The following ZYG11A variants were observed in gnomAD, a reference collection of about 807,000 sequenced individuals.
ZYG11A encodes protein zyg-11 homolog A.
Under a neutral mutation model 77.2 loss-of-function variants are expected in ZYG11A, and 62 were observed. The observed-to-expected ratio is 0.80, with a 90% CI of 0.65 to 0.99. The LOEUF is 0.99. ZYG11A is among the 50% of genes least tolerant of loss of function. The pLI is 0.00. For missense variants in ZYG11A, 828 were observed against 896.8 expected, an observed-to-expected ratio of 0.92 and a Z score of 0.98; for synonymous variants, 315 against 324.6, an observed-to-expected ratio of 0.97 and a Z score of 0.32.
chr1:52,869,449 A>AACTTT (rs551976002), intron 8 of ZYG11A, among the ~76,000 whole-genome samples: 7 of 150,884 alleles, frequency 4.6e-5, no homozygotes, highest in Non-Finnish European at 1.0e-4. Flanking sequence ...GATGACTCTT[A>AACTTT]ACGAGCCTGC....
At chr1:52,888,410 T>A (rs569676926) in intron 13 of ZYG11A, among the ~76,000 whole-genome samples, 26 of 152,216 alleles carry the variant, frequency 1.7e-4, no homozygotes, top group Non-Finnish European at 3.7e-4. Context: ...CAGGCGGGAG[T>A]GCAATGGTGC....
At chr1:52,866,609 T>C in intron 6 of ZYG11A, 42 bp downstream of exon 6, 1 of 1,274,564 alleles carries the variant, frequency 7.8e-7, no homozygotes, top group Non-Finnish European at 1.1e-6. Context: ...TGTTGGCCTT[T>C]GGTTATTAAA....
chr1:52,852,930 CAT>C (rs1645741333), intron 1 of ZYG11A, among the ~76,000 whole-genome samples: 1 of 152,094 alleles, frequency 6.6e-6, no homozygotes, highest in African/African-American at 2.4e-5. Flanking sequence ...AAACAGTGGT[CAT>C]ATGTGTACTC....
chr1:52,865,374 A>G (rs929046676), intron 5 of ZYG11A, among the ~76,000 whole-genome samples: 3 of 152,256 alleles, frequency 2.0e-5, no homozygotes, highest in Admixed American at 2.0e-4. Context: ...AGTACAAATC[A>G]GTTATAAAAA....
chr1:52,893,119 C>A lies in ZYG11A; in HGVS notation c.*162C>A. ...ACAAAAGGTTGGATTTGTATGATAG[C>A]TGTAATCCCAAGTCAAGTTGGACTC... On this transcript the variant is annotated 3_prime_UTR_variant, in exon 14 of 14. Coordinates refer to ENST00000371528, the MANE Select transcript of ZYG11A (RefSeq NM_001004339.3). The A allele has an allele frequency of 1.5e-6, 1 of 656,656 alleles. No individual in the cohort carries two copies. Among genetic ancestry groups the A allele is most frequent in the Non-Finnish European group, 2.5e-6 (1 of 400,220 alleles). The allele number at this position is 656,656 out of a possible 1,614,324, so 40.7% of individuals were successfully genotyped here.
At chr1:52,881,708 C>A in intron 11 of ZYG11A, 43 bp downstream of exon 11, 1 of 1,396,406 alleles carries the variant, frequency 7.2e-7, no homozygotes, top group South Asian at 1.4e-5. Flanking sequence ...AGAGTAATCT[C>A]TAATTACAGA....
intron 10 of ZYG11A, 42 bp downstream of exon 10, chr1:52,878,011 C>A: frequency 6.7e-7 from 1 of 1,487,838 alleles, no homozygotes; most frequent in Non-Finnish European, 9.2e-7. Flanking sequence ...TGCTTAAAAG[C>A]AAAACCTAAC....
chr1:52,866,326 A>G (rs1283359442), intron 5 of ZYG11A, among the ~76,000 whole-genome samples, 177 bp from the exon 6 acceptor site: 3 of 152,148 alleles, frequency 2.0e-5, no homozygotes, highest in South Asian at 2.1e-4. Context: ...ATCCTACTCA[A>G]GTCTTCATTC....
chr1:52,877,594 T>C, intron 8 of ZYG11A, 88 bp from the exon 9 acceptor site: 2 of 1,184,758 alleles, frequency 1.7e-6, no homozygotes, highest in African/African-American at 1.5e-5. Flanking sequence ...AGAACCGAGG[T>C]TTGATGCGTC....
chr1:52,843,006 C>G (rs1645479412), intron 1 of ZYG11A, 33 bp downstream of exon 1: 1 of 1,486,002 alleles, frequency 6.7e-7, no homozygotes, highest in South Asian at 1.3e-5. Context: ...CGACGCGGAC[C>G]TCGGCGCCAC....
intron 1 of ZYG11A, among the ~76,000 whole-genome samples, chr1:52,849,838 A>G (rs1645673364): frequency 6.6e-6 from 1 of 150,992 alleles, no homozygotes; most frequent in Non-Finnish European, 1.5e-5. Context: ...ACCGGCCACC[A>G]CGCCCAGCTA....
intron 8 of ZYG11A, among the ~76,000 whole-genome samples, chr1:52,867,989 CAG>C (rs1481017050): frequency 2.5e-4 from 25 of 99,622 alleles, no homozygotes; most frequent in African/African-American, 1.0e-3. Flanking sequence ...TTTTTTGAGA[CAG>C]AGTCTCACTC....
chr1:52,852,742 ATT>A (rs1645738194), intron 1 of ZYG11A, among the ~76,000 whole-genome samples: 1 of 152,214 alleles, frequency 6.6e-6, no homozygotes, highest in South Asian at 2.1e-4. Flanking sequence ...AATTTAAAAT[ATT>A]CTAAGTTCAA....
rs749673284 is a variant in ZYG11A, at chr1:52,846,308, TTTTATATATATATATATATATATATATA to T, written c.90+3337_90+3364del. Among the ~76,000 whole-genome samples, 61 of 124,862 alleles carry T rather than the reference TTTTATATATATATATATATATATATATA, an allele frequency of 4.9e-4. 4 individuals carry two copies. The highest frequency in any genetic ancestry group is 7.3e-4 in the African/African-American group (26 of 35,584). 81.9% of individuals were successfully genotyped at this position (124,862 alleles called of 152,430 possible). On this transcript the variant is annotated intron_variant, in intron 1 of 13. Coordinates refer to ENST00000371528, the MANE Select transcript of ZYG11A (RefSeq NM_001004339.3). ...TTTTGGAAATCATGGCTTTTTAAATTTTTATATATATATATATATATATATATATATATATATATATATATATATATAT... is the reference window on the plus strand; with the variant it reads ...TTTTGGAAATCATGGCTTTTTAAATTTATATATATATATATATATATATAT...
chr1:52,892,605 C>G (rs1646564697), intron 13 of ZYG11A, among the ~76,000 whole-genome samples, 177 bp from the exon 14 acceptor site: 1 of 152,096 alleles, frequency 6.6e-6, no homozygotes, highest in African/African-American at 2.4e-5. Context: ...TCTGTTACCT[C>G]ATACAAGCCA....
chr1:52,854,661 T>C (rs756222579), intron 2 of ZYG11A, 31 bp downstream of exon 2: 32 of 1,477,154 alleles, frequency 2.2e-5, no homozygotes, highest in Non-Finnish European at 2.8e-5. Context: ...AAGTCAGCTC[T>C]TGCAGTACTT....
At chr1:52,878,962 A>C (rs1044317252) in intron 10 of ZYG11A, among the ~76,000 whole-genome samples, 6 of 148,870 alleles carry the variant, frequency 4.0e-5, no homozygotes, top group East Asian at 3.9e-4. Flanking sequence ...AAAAAAAAAA[A>C]AAAAAAAAAA....
intron 11 of ZYG11A, among the ~76,000 whole-genome samples, chr1:52,885,143 C>T (rs1481357707): frequency 1.3e-5 from 2 of 151,930 alleles, no homozygotes; most frequent in Non-Finnish European, 2.9e-5. Context: ...CTCCTGACCC[C>T]AGGTGATCTA....
At chr1:52,854,315 G>A (rs1462557553) in intron 1 of ZYG11A, 150 bp from the exon 2 acceptor site, 1 of 639,184 alleles carries the variant, frequency 1.6e-6, no homozygotes, top group Non-Finnish European at 2.4e-6. Flanking sequence ...TAGGAATGAG[G>A]TGGTTTCGTT....
Sources: gnomAD v4.1 joint callset for allele counts (sites outside exome capture counted in the v4.1 genomes callset) on GRCh38, gnomAD v4.1.1 for gene constraint, MANE v1.5 for transcripts, NCBI Gene and HGNC (gene_info 2026-07-23, HGNC 2026-07-21) for gene names.